Variants in GLMN observed in about 807,000 individuals in gnomAD.
The protein encoded by GLMN is glomulin.
GLMN carries 75 observed loss-of-function variants against 87.8 expected under a neutral mutation model. The observed-to-expected ratio is 0.85, with a 90% CI of 0.71 to 1.04. The LOEUF (loss-of-function observed/expected upper bound fraction) is 1.04. Among genes scored for constraint, GLMN ranks in the 50% least tolerant of loss-of-function variants. The pLI, the probability that GLMN is intolerant of heterozygous loss-of-function variation, is 0.00. For missense variants in GLMN, 588 were observed against 658.8 expected, an observed-to-expected ratio of 0.89 and a Z score of 1.18; for synonymous variants, 206 against 221.6, an observed-to-expected ratio of 0.93 and a Z score of 0.63.
chr1:92,263,126 G>A (rs192859839), intron 15 of GLMN, among the ~76,000 whole-genome samples, 200 bp from the exon 16 acceptor site: 168 of 152,124 alleles, frequency 1.1e-3, no homozygotes, highest in African/African-American at 3.9e-3. Context: ...TATCATCCTT[G>A]TTTAAAGAAA....
chr1:92,344,905 T>G, the GLMN span, among the ~76,000 whole-genome samples: 1 of 152,216 alleles, frequency 6.6e-6, no homozygotes, highest in African/African-American at 2.4e-5. Flanking sequence ...TTACCATTTA[T>G]GTATTGGCTG....
chr1:92,306,787 G>A, the GLMN span, among the ~76,000 whole-genome samples: 1 of 152,198 alleles, frequency 6.6e-6, no homozygotes, highest in East Asian at 1.9e-4. Flanking sequence ...TACAGTGAGT[G>A]AGACCCTGTC....
At chr1:92,291,596 GC>G in intron 3 of GLMN, 59 bp from the exon 4 acceptor site, 1 of 1,552,454 alleles carries the variant, frequency 6.4e-7, no homozygotes, top group Non-Finnish European at 8.9e-7. Context: ...CTCGCAGTGT[GC>G]TTTCCTATCT....
chr1:92,269,373 G>C (rs1313547562), intron 9 of GLMN, among the ~76,000 whole-genome samples: 1 of 152,154 alleles, frequency 6.6e-6, no homozygotes, highest in African/African-American at 2.4e-5. Context: ...AAATACGGAA[G>C]AACTTCTTTT....
upstream of GLMN, among the ~76,000 whole-genome samples, chr1:92,303,119 C>A (rs1364954440): frequency 6.6e-6 from 1 of 152,054 alleles, no homozygotes; most frequent in Non-Finnish European, 1.5e-5. Flanking sequence ...TTTTTGTAAT[C>A]CTTAAGAGGG....
intron 16 of GLMN, among the ~76,000 whole-genome samples, chr1:92,251,672 AC>A (rs1353073793): frequency 2.6e-5 from 4 of 152,226 alleles, no homozygotes. Context: ...CAAAAATATA[AC>A]CAAAGAATTT....
Position 92,297,444 on chromosome 1 carries a change from G to C in GLMN, c.125C>G (p.Thr42Arg). ...AGQRCIEEGH[T>R]DQLLEIIQNE... ...TTGAATAATTTCTAATAGCTGGTCT[G>C]TGTGCCCTTCTTCTATGCATCTTTG... Residue 42 changes from threonine to arginine, a missense_variant, in exon 3 of 19, where the codon ACA becomes AGA. Physicochemically the swap from Thr to Arg is moderately conservative, Grantham distance 71 (BLOSUM62 -1). Transcript: ENST00000370360. The C allele has an allele frequency of 2.5e-6, 4 of 1,609,410 alleles. No individual in the cohort carries two copies. Among genetic ancestry groups the C allele is most frequent in the Non-Finnish European group, 3.4e-6 (4 of 1,176,952 alleles).
intron 2 of GLMN, 120 bp downstream of exon 2, chr1:92,297,841 T>C: frequency 1.5e-6 from 1 of 681,014 alleles, no homozygotes; most frequent in Non-Finnish European, 2.6e-6. Context: ...TCTTTACAGG[T>C]CAAAAAAAGC....
chr1:92,263,267 GA>G (rs961344771), intron 15 of GLMN, among the ~76,000 whole-genome samples: 7 of 147,846 alleles, frequency 4.7e-5, no homozygotes, highest in Admixed American at 6.7e-5. Context: ...TGTTCTATAT[GA>G]AAAAAAAAAT....
chr1:92,293,297 G>C (rs1489144385), intron 3 of GLMN, among the ~76,000 whole-genome samples: 1 of 152,078 alleles, frequency 6.6e-6, no homozygotes, highest in Non-Finnish European at 1.5e-5. Flanking sequence ...ACAAAAGACA[G>C]TCAATAACAA....
At chr1:92,345,982 G>C in the GLMN span, 6 of 1,084,618 alleles carry the variant, frequency 5.5e-6, no homozygotes, top group African/African-American at 1.6e-5. Context: ...GAAAAACAAA[G>C]TGATCCACTG....
chr1:92,295,958 AAG>A (rs1222712871), intron 3 of GLMN, among the ~76,000 whole-genome samples: 10 of 152,236 alleles, frequency 6.6e-5, no homozygotes, highest in Non-Finnish European at 1.5e-5. Flanking sequence ...AAAAATCAAG[AAG>A]AGTTTAAAAA....
At chr1:92,323,882 G>C in the GLMN span, 1 of 1,613,990 alleles carries the variant, frequency 6.2e-7, no homozygotes, top group Middle Eastern at 1.6e-4. Flanking sequence ...GAATACAGTA[G>C]GTCAGAAATA....
chr1:92,299,393 C>G (rs17131621), upstream of GLMN, among the ~76,000 whole-genome samples: 15,915 of 152,222 alleles, frequency 0.1, 2,402 homozygotes, highest in African/African-American at 0.34. Flanking sequence ...GCCTCTGAGA[C>G]AAAGGACAGT....
rs1369889881 is a variant in GLMN at position 92,266,431 on chromosome 1, T to C, written c.1202A>G (p.Tyr401Cys). The C allele has an allele frequency of 6.5e-7, 1 of 1,535,912 alleles. No individual in the cohort carries two copies. The highest frequency in any genetic ancestry group is 1.1e-5 in the South Asian group (1 of 89,350). The stretch of plus-strand genomic sequence containing the variant: ...GCTTGATACATACCTAAATAATGTA[T>C]ATTTGCCTTGTGAATCCAACTTGTT... ...YINKLDSQGK[Y>C]TLFRCLLNTS... The change falls in exon 13 of 19, where the codon TAT (tyrosine) becomes TGT (cysteine). Residue 401 changes from tyrosine (Y) to cysteine (C), a missense_variant. Coordinates refer to ENST00000370360, the MANE Select transcript of GLMN (RefSeq NM_053274.3).
At chr1:92,362,503 G>C in the GLMN span, among the ~76,000 whole-genome samples, 2 of 152,122 alleles carry the variant, frequency 1.3e-5, no homozygotes, top group South Asian at 4.1e-4. Context: ...GAATGAGTTT[G>C]GGATTTGGCT....
chr1:92,318,578 T>C, the GLMN span, among the ~76,000 whole-genome samples: 1 of 152,324 alleles, frequency 6.6e-6, no homozygotes, highest in East Asian at 1.9e-4. Flanking sequence ...TTAACCCACT[T>C]TACTGAACCA....
chr1:92,307,830 A>C, the GLMN span, among the ~76,000 whole-genome samples: 1 of 152,256 alleles, frequency 6.6e-6, no homozygotes, highest in Admixed American at 6.5e-5. Context: ...AGTCAAGAAA[A>C]TTTTATTATT....
the GLMN span, among the ~76,000 whole-genome samples, chr1:92,322,998 T>C: frequency 2.7e-5 from 4 of 147,252 alleles, no homozygotes; most frequent in Non-Finnish European, 6.0e-5. Context: ...TGTAAATATG[T>C]GTACATATAA....
Sources: allele counts gnomAD v4.1 joint callset (sites outside exome capture counted in the v4.1 genomes callset), GRCh38; gene constraint gnomAD v4.1.1; transcripts MANE v1.5; gene names NCBI Gene and HGNC (gene_info 2026-07-23, HGNC 2026-07-21).